NSD3: variants seen among roughly 807,000 people sequenced by gnomAD.
NSD3 encodes the protein nuclear receptor binding SET domain protein 3, also known as histone-lysine N-methyltransferase NSD3.
Under a neutral mutation model 160.8 loss-of-function variants are expected in NSD3, and 24 were observed. The observed-to-expected ratio is 0.15, with a 90% CI of 0.11 to 0.21. The LOEUF (loss-of-function observed/expected upper bound fraction) is 0.21, where lower values mean the gene tolerates loss of function less well. Among genes scored for constraint, NSD3 ranks in the 10% least tolerant of loss-of-function variants. The pLI, the probability that NSD3 is intolerant of heterozygous loss-of-function variation, is 1.00. For synonymous variants in NSD3, 520 were observed against 600.0 expected (o/e 0.87, Z 1.95); for missense variants, 1,157 against 1,735.9 (o/e 0.67, Z 5.93).
intron 2 of NSD3, among the ~76,000 whole-genome samples, chr8:38,344,621 C>T (rs1255586777): frequency 6.6e-6 from 1 of 152,050 alleles, no homozygotes; most frequent in African/African-American, 2.4e-5. Flanking sequence ...CAAAAAAGAA[C>T]CTATGAACCT....
intron 7 of NSD3, among the ~76,000 whole-genome samples, chr8:38,326,085 T>C (rs1585888692): frequency 6.6e-6 from 1 of 150,796 alleles, no homozygotes; most frequent in African/African-American, 2.4e-5. Flanking sequence ...GAGGTGGAGG[T>C]TGCAGCGAAC....
intron 14 of NSD3, among the ~76,000 whole-genome samples, chr8:38,303,809 A>G (rs1809332013): frequency 6.6e-6 from 1 of 152,230 alleles, no homozygotes; most frequent in Non-Finnish European, 1.5e-5. Context: ...CTTAAAAACA[A>G]ACCAAAGCAA....
chr8:38,309,257 C>T (rs1809477614), intron 12 of NSD3, among the ~76,000 whole-genome samples: 2 of 152,246 alleles, frequency 1.3e-5, no homozygotes, highest in Non-Finnish European at 2.9e-5. Flanking sequence ...CACTTGAGGT[C>T]AGGAGTTCGG....
At chr8:38,312,999 T>G (rs995115756) in intron 12 of NSD3, among the ~76,000 whole-genome samples, 1 of 152,198 alleles carries the variant, frequency 6.6e-6, no homozygotes, top group African/African-American at 2.4e-5. Context: ...ACATGCTCTA[T>G]CCGTGTTCAA....
At chr8:38,365,468 G>T (rs79518624) in intron 1 of NSD3, among the ~76,000 whole-genome samples, 1 of 152,040 alleles carries the variant, frequency 6.6e-6, no homozygotes, top group African/African-American at 2.4e-5. Flanking sequence ...ATACAGGGAC[G>T]GGGGGCTGGA....
chr8:38,282,442 G>A (rs577664524), intron 19 of NSD3, among the ~76,000 whole-genome samples: 3 of 152,336 alleles, frequency 2.0e-5, no homozygotes, highest in South Asian at 2.1e-4. Flanking sequence ...AGGCCAAGGC[G>A]GGTGGATCAC....
intron 1 of NSD3, among the ~76,000 whole-genome samples, chr8:38,350,705 T>A (rs961687149): frequency 6.6e-6 from 1 of 152,202 alleles, no homozygotes; most frequent in South Asian, 2.1e-4. Context: ...ATAAGTTTTT[T>A]AAGACTATAT....
intron 16 of NSD3, among the ~76,000 whole-genome samples, chr8:38,291,967 A>G (rs1202112259): frequency 1.3e-5 from 2 of 152,246 alleles, no homozygotes; most frequent in African/African-American, 4.8e-5. Flanking sequence ...TAGATATAAG[A>G]TCTCACTGGA....
chr8:38,338,387 C>T, intron 3 of NSD3, 149 bp downstream of exon 3: 1 of 566,006 alleles, frequency 1.8e-6, no homozygotes, highest in East Asian at 2.9e-5. Context: ...CTGAAAATAT[C>T]CACCTATCAA....
At chr8:38,303,284 G>A (rs1386559433) in intron 14 of NSD3, 2 of 985,276 alleles carry the variant, frequency 2.0e-6, no homozygotes, top group Non-Finnish European at 2.4e-6. Context: ...GAAAGGCAAT[G>A]AGTGACACCT....
At chr8:38,306,194 T>G (rs1809387716) in intron 12 of NSD3, among the ~76,000 whole-genome samples, 1 of 152,034 alleles carries the variant, frequency 6.6e-6, no homozygotes, top group Non-Finnish European at 1.5e-5. Flanking sequence ...ATCCTAATAT[T>G]AATATCAGAT....
rs1809738691 is a variant in NSD3, at chr8:38,319,078, T to C, written c.1810-138A>G. On this transcript the variant is annotated intron_variant, in intron 8 of 23. Transcript: ENST00000317025. The surrounding 1 kb of genome is among the most constrained non-coding windows in gnomAD (Gnocchi z 4.1). ...TGAAATCTGAACTCAGTCCCATCTT[T>C]TGGGTAAAGTTCTCTGTCTCAAGAT... 25 of 771,148 alleles carry C rather than the reference T, an allele frequency of 3.2e-5. 1 individual carries two copies. The South Asian group carries it at 4.6e-4, about 14-fold the overall frequency. The allele number at this position is 771,148 out of a possible 1,614,324, so 47.8% of individuals were successfully genotyped here.
chr8:38,303,875 A>T (rs1307505400), intron 14 of NSD3, among the ~76,000 whole-genome samples: 1 of 152,262 alleles, frequency 6.6e-6, no homozygotes, highest in African/African-American at 2.4e-5. Flanking sequence ...AAAAAGTTTT[A>T]TTATAATATG....
intron 1 of NSD3, among the ~76,000 whole-genome samples, chr8:38,356,991 C>T (rs969956762): frequency 5.9e-5 from 9 of 151,302 alleles, no homozygotes; most frequent in Non-Finnish European, 8.9e-5. Flanking sequence ...TGGTGGTACA[C>T]GCCGGTAATC....
At chr8:38,369,464 T>G (rs1811184411) in intron 1 of NSD3, among the ~76,000 whole-genome samples, 1 of 152,236 alleles carries the variant, frequency 6.6e-6, no homozygotes, top group African/African-American at 2.4e-5. Flanking sequence ...TTAGTTGATG[T>G]TCAACTTTTA....
chr8:38,356,816 A>G (rs1810835367), intron 1 of NSD3, among the ~76,000 whole-genome samples: 1 of 151,962 alleles, frequency 6.6e-6, no homozygotes. Flanking sequence ...TTTATATTTA[A>G]TTATACTTAA....
At chr8:38,361,790 G>C (rs1810974313) in intron 1 of NSD3, among the ~76,000 whole-genome samples, 1 of 151,136 alleles carries the variant, frequency 6.6e-6, no homozygotes, top group Admixed American at 6.6e-5. Flanking sequence ...GACAGAAAGG[G>C]ACAAGTGTCC....
chr8:38,321,038 C>G lies in NSD3; in HGVS notation c.1809+34G>C. On this transcript the variant is annotated intron_variant, in intron 8 of 23. Transcript: ENST00000317025. The surrounding 1 kb of genome is among the most constrained non-coding windows in gnomAD (Gnocchi z 4.7). Reference sequence around the variant, plus strand: ...ATGTAAGCCACAACATTTACAAATACAATGTTTTAACTCTCTACATGTAGG... The same window carrying G: ...ATGTAAGCCACAACATTTACAAATAGAATGTTTTAACTCTCTACATGTAGG... 1 of 1,561,028 alleles carries G rather than the reference C, an allele frequency of 6.4e-7. No homozygotes were observed. The highest frequency in any genetic ancestry group is 1.4e-5 in the African/African-American group (1 of 73,900).
intron 1 of NSD3, 86 bp from the exon 2 acceptor site, chr8:38,348,301 G>A (rs1012470904): frequency 1.4e-5 from 15 of 1,043,828 alleles, no homozygotes; most frequent in Admixed American, 3.1e-5. Context: ...AAACTAAAAT[G>A]TTTTGAACTC....
Sources: allele counts gnomAD v4.1 joint callset (sites outside exome capture counted in the v4.1 genomes callset), GRCh38; gene constraint gnomAD v4.1.1; non-coding constraint Gnocchi (gnomAD v3.1); transcripts MANE v1.5; gene names NCBI Gene and HGNC (gene_info 2026-07-23, HGNC 2026-07-21).